ABCA13: variants seen among roughly 807,000 people sequenced by gnomAD.
The protein encoded by ABCA13 is ATP binding cassette subfamily A member 13, also known as ATP-binding cassette sub-family A member 13.
ABCA13 carries 476 observed loss-of-function variants against 478.7 expected under a neutral mutation model. That is an observed-to-expected ratio of 0.99 (90% CI 0.92 to 1.07). The LOEUF is 1.07. ABCA13 is among the 50% of genes least tolerant of loss of function. The probability of loss-of-function intolerance (pLI) is 0.00; values close to 1 mark genes in which losing one functional copy is unlikely to be tolerated. For missense variants in ABCA13, 6,060 were observed against 5,910.6 expected (o/e 1.03, Z -0.83); for synonymous variants, 2,252 against 2,158.9 (o/e 1.04, Z -1.20).
At chr7:48,604,290 T>A (rs1302051906) in intron 58 of ABCA13, among the ~76,000 whole-genome samples, 1 of 152,202 alleles carries the variant, frequency 6.6e-6, no homozygotes, top group Non-Finnish European at 1.5e-5. Flanking sequence ...ATTTGTTTGC[T>A]CTTGCTTCTC....
chr7:48,340,271 T>A (rs1248522992), intron 29 of ABCA13, among the ~76,000 whole-genome samples: 1 of 152,114 alleles, frequency 6.6e-6, no homozygotes, highest in Non-Finnish European at 1.5e-5. Context: ...CATGCCCGGC[T>A]AATTTTTGTA....
chr7:48,553,289 C>T (rs908501365), intron 55 of ABCA13, among the ~76,000 whole-genome samples: 1 of 151,964 alleles, frequency 6.6e-6, no homozygotes, highest in African/African-American at 2.4e-5. Flanking sequence ...TGCAGATATC[C>T]CTTTTACATG....
At chr7:48,406,238 G>C (rs62447260) in intron 39 of ABCA13, among the ~76,000 whole-genome samples, 3 of 151,976 alleles carry the variant, frequency 2.0e-5, no homozygotes, top group African/African-American at 7.2e-5. Context: ...AAAAAATACC[G>C]GTGAAAACTG....
At position 48,276,073 on chromosome 7, in the gene ABCA13, A is replaced by G; in HGVS notation, c.6407A>G (p.Glu2136Gly). 2 of 1,605,938 alleles carry G rather than the reference A, an allele frequency of 1.2e-6. No homozygotes were observed. Among genetic ancestry groups the G allele is most frequent in the African/African-American group, 1.3e-5 (1 of 74,828 alleles). Residue 2136 changes from glutamate to glycine, a missense_variant, in exon 17 of 62, where the codon GAG becomes GGG. By Grantham distance (98) the Glu-to-Gly change is moderately conservative (BLOSUM62 -2). Around this residue, in one of 3 missense-constraint regions of ABCA13, gnomAD observed 4,423 missense variants for 4,309.1 expected, o/e 1.03. Coordinates refer to ENST00000435803, the MANE Select transcript of ABCA13 (RefSeq NM_152701.5). ...TKNWLQEYANEDYSRMIETLF... is the reference protein window; with the variant it reads ...TKNWLQEYANGDYSRMIETLF... ...AACTGGCTTCAGGAATATGCAAATG[A>G]GGATTACTCCAGAATGATAGAAACA... is the stretch of plus-strand genomic sequence containing the variant.
At chr7:48,456,495 AC>A (rs1825690171) in intron 43 of ABCA13, among the ~76,000 whole-genome samples, 1 of 152,226 alleles carries the variant, frequency 6.6e-6, no homozygotes, top group South Asian at 2.1e-4. Flanking sequence ...AAAATAAAAA[AC>A]AATCACATGT....
Position 48,276,048 on chromosome 7 carries a change from A to T in ABCA13, c.6382A>T (p.Asn2128Tyr). Residue 2128 changes from asparagine (N) to tyrosine (Y), a missense_variant, in exon 17 of 62, where the codon AAC becomes TAC. Coordinates refer to ENST00000435803, the MANE Select transcript of ABCA13 (RefSeq NM_152701.5). Reference sequence around the variant, plus strand: ...TGAAGATTTTCTATTGGTCACAAAAAACTGGCTTCAGGAATATGCAAATGA... The same window carrying T: ...TGAAGATTTTCTATTGGTCACAAAATACTGGCTTCAGGAATATGCAAATGA... ...IIEDFLLVTK[N>Y]WLQEYANEDY... The T allele has an allele frequency of 6.2e-7, 1 of 1,608,138 alleles. No individual in the cohort carries two copies. Among genetic ancestry groups the T allele is most frequent in the Non-Finnish European group, 8.5e-7 (1 of 1,176,856 alleles).
intron 3 of ABCA13, among the ~76,000 whole-genome samples, chr7:48,204,360 C>T (rs1584172634): frequency 6.6e-6 from 1 of 151,946 alleles, no homozygotes; most frequent in African/African-American, 2.4e-5. Flanking sequence ...CAGGCGGGTG[C>T]CACCATGCCC....
At chr7:48,398,187 AC>A (rs1298230988) in intron 38 of ABCA13, among the ~76,000 whole-genome samples, 1 of 152,220 alleles carries the variant, frequency 6.6e-6, no homozygotes, top group Non-Finnish European at 1.5e-5. Context: ...TTTCTTTAAA[AC>A]AAGTCATAGG....
chr7:48,342,147 G>A (rs950851758), intron 29 of ABCA13, among the ~76,000 whole-genome samples: 4 of 151,440 alleles, frequency 2.6e-5, no homozygotes, highest in Admixed American at 2.6e-4. Flanking sequence ...TTTATCTTTG[G>A]GTTAATGACT....
At chr7:48,324,896 T>C (rs1165856717) in intron 27 of ABCA13, among the ~76,000 whole-genome samples, 2 of 152,218 alleles carry the variant, frequency 1.3e-5, no homozygotes, top group Admixed American at 1.3e-4. Flanking sequence ...TTAAGCTGCA[T>C]TTATGTATGA....
chr7:48,561,627 G>T (rs1391553831), intron 55 of ABCA13, among the ~76,000 whole-genome samples: 2 of 151,992 alleles, frequency 1.3e-5, no homozygotes. Context: ...TATATATTTT[G>T]GATATTAATA....
intron 45 of ABCA13, among the ~76,000 whole-genome samples, chr7:48,474,756 A>AT (rs1198984267): frequency 1.3e-5 from 2 of 151,990 alleles, no homozygotes; most frequent in African/African-American, 2.4e-5. Context: ...GAGATCTCTG[A>AT]TTTTTTACAC....
chr7:48,229,342 C>T (rs777076092), intron 6 of ABCA13, among the ~76,000 whole-genome samples: 3 of 152,172 alleles, frequency 2.0e-5, no homozygotes, highest in Non-Finnish European at 4.4e-5. Flanking sequence ...TTGACCTATT[C>T]AGATCCATAG....
At chr7:48,606,493 G>T (rs2131514739) in intron 58 of ABCA13, among the ~76,000 whole-genome samples, 1 of 152,092 alleles carries the variant, frequency 6.6e-6, no homozygotes, top group South Asian at 2.1e-4. Context: ...AGGTCTGCTG[G>T]AGTTTGCTGG....
At chr7:48,529,330 A>T (rs1226606922) in intron 55 of ABCA13, among the ~76,000 whole-genome samples, 1 of 151,178 alleles carries the variant, frequency 6.6e-6, no homozygotes, top group Admixed American at 6.6e-5. Context: ...TCCACATACC[A>T]CTCCTGTGCT....
intron 58 of ABCA13, chr7:48,612,253 G>T (rs1297228498): frequency 6.6e-6 from 1 of 152,172 alleles, no homozygotes; most frequent in African/African-American, 2.4e-5. Flanking sequence ...GCATTCCATT[G>T]AGCTGAGTTT....
intron 15 of ABCA13, among the ~76,000 whole-genome samples, chr7:48,267,859 A>C (rs1048407215): frequency 1.3e-5 from 2 of 152,116 alleles, no homozygotes; most frequent in East Asian, 3.9e-4. Flanking sequence ...AATTCCAAAT[A>C]TTACACATTT....
intron 59 of ABCA13, among the ~76,000 whole-genome samples, chr7:48,631,859 A>C (rs927039738): frequency 6.6e-6 from 1 of 151,948 alleles, no homozygotes; most frequent in African/African-American, 2.4e-5. Context: ...TAGCATTTGT[A>C]ATTTTCTTTG....
chr7:48,294,148 A>G (rs1798994583), intron 20 of ABCA13, among the ~76,000 whole-genome samples: 1 of 152,114 alleles, frequency 6.6e-6, no homozygotes, highest in Non-Finnish European at 1.5e-5. Context: ...TTTGATAAAC[A>G]TACAAAGTGA....
Sources: allele counts gnomAD v4.1 joint callset (sites outside exome capture counted in the v4.1 genomes callset), GRCh38; gene constraint gnomAD v4.1.1; regional missense constraint gnomAD v4.1.1; transcripts MANE v1.5; gene names NCBI Gene and HGNC (gene_info 2026-07-23, HGNC 2026-07-21).